Variants in SNX19 observed in about 807,000 individuals in gnomAD.
The protein encoded by SNX19 is sorting nexin 19, also known as sorting nexin-19.
Under a neutral mutation model 85.2 loss-of-function variants are expected in SNX19, and 60 were observed. The ratio of observed to expected loss-of-function variants is 0.70; its 90% CI spans 0.57 to 0.87. The LOEUF (loss-of-function observed/expected upper bound fraction) is 0.87, where lower values mean the gene tolerates loss of function less well. Ranked by LOEUF, SNX19 falls within the 40% of genes least tolerant of loss-of-function variation. The probability of loss-of-function intolerance (pLI) is 0.00; values close to 1 mark genes in which losing one functional copy is unlikely to be tolerated. For synonymous variants in SNX19, 520 were observed against 470.0 expected (o/e 1.11, Z -1.38); for missense variants, 1,201 against 1,217.8 (o/e 0.99, Z 0.21).
intron 8 of SNX19, among the ~76,000 whole-genome samples, chr11:130,889,293 T>C (rs1677787862): frequency 6.6e-6 from 1 of 152,096 alleles, no homozygotes; most frequent in Non-Finnish European, 1.5e-5. Flanking sequence ...CTGGTTTCAT[T>C]TGATGCTGAC....
chr11:130,902,972 T>G, intron 8 of SNX19: 1 of 293,018 alleles, frequency 3.4e-6, no homozygotes, highest in South Asian at 4.8e-5. Context: ...GGGTGGAAAA[T>G]TGAGAGGAGG....
rs1943097851 is a variant in SNX19, at chr11:130,873,314, A to G, written c.*5108T>C. Among the ~76,000 whole-genome samples the G allele has an allele frequency of 6.6e-6, 1 of 152,216 alleles. No homozygotes were observed. Among genetic ancestry groups the G allele is most frequent in the African/African-American group, 2.4e-5 (1 of 41,452 alleles). ...TACAGTGGAAAAGCTGAGTAGTTAC[A>G]ACAGAGACCATACTGCTGCAAAACC... On this transcript the variant is annotated 3_prime_UTR_variant, in exon 11 of 11. Coordinates refer to ENST00000265909, the MANE Select transcript of SNX19 (RefSeq NM_014758.3).
chr11:130,870,141 A>G lies in SNX19; in HGVS notation c.*8281T>C, dbSNP rs1181940164. 1.3e-5 allele frequency: 2 copies of G among 152,228 alleles called. No homozygotes were observed. The highest frequency in any genetic ancestry group is 4.8e-5 in the African/African-American group (2 of 41,456). The allele number at this position is 152,228 out of a possible 1,614,324, so 9.4% of individuals were successfully genotyped here. ...GAAATCCTAATCCTATTAAAAACTT[A>G]GGTCATTCCACCCCAACAGTACTCT... On this transcript the variant is annotated 3_prime_UTR_variant, in exon 11 of 11. Coordinates refer to ENST00000265909, the MANE Select transcript of SNX19 (RefSeq NM_014758.3).
rs1943401210 is a variant in SNX19 at position 130,878,462 on chromosome 11, T to A, written c.2939A>T (p.Asp980Val). 6.2e-7 allele frequency: 1 copy of A among 1,613,492 alleles called. No homozygotes were observed. Among genetic ancestry groups the A allele is most frequent in the Non-Finnish European group, 8.5e-7 (1 of 1,179,662 alleles). The change falls in exon 11 of 11, where the codon GAT (aspartate) becomes GTT (valine). Residue 980 changes from aspartate (D) to valine (V), a missense_variant. This residue lies in a region of SNX19 where 285 missense variants were observed against 295.3 expected (regional missense o/e 0.97). Transcript: ENST00000265909. ...CATCCTCTTAGAGTTGCCTGGGGTA[T>A]CTGAGGCAGAGGTGGTAGCAGCAGA... ...EESAATTSAS[D>V]TPGNSKRMGV...
Position 130,877,208 on chromosome 11 carries a change from G to A in SNX19, c.*1214C>T, listed in dbSNP as rs1047866421. The A allele has an allele frequency of 6.6e-6, 1 of 152,214 alleles. No individual in the cohort carries two copies. Among genetic ancestry groups the A allele is most frequent in the Non-Finnish European group, 1.5e-5 (1 of 68,030 alleles). 9.4% of individuals were successfully genotyped at this position (152,214 alleles called of 1,614,324 possible). A position where few individuals can be genotyped will look rare whatever the true frequency, so the allele number is the denominator to read the frequency against. ...ACATCTTTTTGCCAGCTATTCACAT[G>A]CATTTAATATACAGCACTTCCCTGT... On this transcript the variant is annotated 3_prime_UTR_variant, in exon 11 of 11. Transcript: ENST00000265909.
rs1385264116 is a variant in SNX19 at position 130,871,532 on chromosome 11, T to C, written c.*6890A>G. On this transcript the variant is annotated 3_prime_UTR_variant, in exon 11 of 11. Transcript: ENST00000265909. ...ATTTCATATCAACGTTCATGGTTAA[T>C]CTTTTTGATAGTTACAGGAGCAGGA... is the stretch of plus-strand genomic sequence containing the variant. Among the ~76,000 whole-genome samples, 1 of 152,194 alleles carries C rather than the reference T, an allele frequency of 6.6e-6. No homozygotes were observed. Among genetic ancestry groups the C allele is most frequent in the Admixed American group, 6.5e-5 (1 of 15,280 alleles).
At chr11:130,879,756 T>C in intron 9 of SNX19, 45 bp from the exon 10 acceptor site, 1 of 1,556,396 alleles carries the variant, frequency 6.4e-7, no homozygotes, top group Non-Finnish European at 8.9e-7. Flanking sequence ...ATCACTGAAG[T>C]TTTAGATTCT....
intron 8 of SNX19, among the ~76,000 whole-genome samples, chr11:130,881,980 T>C (rs1313319663): frequency 6.6e-6 from 1 of 152,240 alleles, no homozygotes; most frequent in African/African-American, 2.4e-5. Flanking sequence ...ACTGTTCTTA[T>C]TTCAATGAAA....
chr11:130,912,270 T>C (rs1289859044), intron 1 of SNX19, among the ~76,000 whole-genome samples: 2 of 152,254 alleles, frequency 1.3e-5, no homozygotes, highest in African/African-American at 2.4e-5. Flanking sequence ...TTCACGCAGA[T>C]TAATTTTCCT....
At position 130,880,697 on chromosome 11, in the gene SNX19, G is replaced by A. The variant is rs142783173; in HGVS notation, c.2683C>T (p.Arg895Trp). ...TTCTGCTCTTGGGTCCTTACGGGCCGTGGAAACTTAGGCAAAACTCCACCA... is the reference window on the plus strand; with the variant it reads ...TTCTGCTCTTGGGTCCTTACGGGCCATGGAAACTTAGGCAAAACTCCACCA... ...WPGGVLPKFP[R>W]PVRTQEQKLA... is the part of the protein sequence containing the mutation. Residue 895 changes from arginine (R) to tryptophan (W), a missense_variant, in exon 9 of 11, where the codon CGG becomes TGG. Arg to Trp is a moderately radical substitution (Grantham distance 101, BLOSUM62 -3). This residue lies in a region of SNX19 where 285 missense variants were observed against 295.3 expected (regional missense o/e 0.97). Transcript: ENST00000265909. The A allele has an allele frequency of 7.1e-3, 11,451 of 1,612,362 alleles. 101 individuals carry two copies. The highest frequency in any genetic ancestry group is 6.7e-3 in the Non-Finnish European group (7,860 of 1,178,670).
rs1447604632 is a variant in SNX19 at position 130,875,588 on chromosome 11, C to T, written c.*2834G>A. 4 of 151,102 alleles carry T rather than the reference C, an allele frequency of 2.6e-5. No individual in the cohort carries two copies. The highest frequency in any genetic ancestry group is 5.9e-5 in the Non-Finnish European group (4 of 67,944). The allele number at this position is 151,102 out of a possible 1,614,324, so 9.4% of individuals were successfully genotyped here. On this transcript the variant is annotated 3_prime_UTR_variant, in exon 11 of 11. Transcript: ENST00000265909. ...ATTTCCAAAATGGAAATTGGAGTAG[C>T]TTGTATTGATTTTAAAATTTATACA... is the stretch of plus-strand genomic sequence containing the variant.
chr11:130,901,617 T>C (rs1183715740), intron 8 of SNX19, among the ~76,000 whole-genome samples: 1 of 151,952 alleles, frequency 6.6e-6, no homozygotes, highest in Non-Finnish European at 1.5e-5. Context: ...AAATGAAAAA[T>C]AAGACTGAAA....
intron 8 of SNX19, among the ~76,000 whole-genome samples, chr11:130,902,392 G>A (rs764321273): frequency 8.5e-5 from 13 of 152,090 alleles, no homozygotes; most frequent in South Asian, 2.1e-4. Flanking sequence ...ATAACTTTTC[G>A]ACTTGGTAAA....
intron 4 of SNX19, 88 bp downstream of exon 4, chr11:130,909,930 C>A: frequency 6.4e-7 from 1 of 1,564,696 alleles, no homozygotes; most frequent in South Asian, 1.2e-5. Flanking sequence ...CCCTACTGCT[C>A]TTATTTTTCA....
chr11:130,903,165 G>C lies in SNX19; in HGVS notation c.2573+90C>G. The C allele has an allele frequency of 3.2e-6, 5 of 1,549,318 alleles. No homozygotes were observed. In the South Asian group the frequency reaches 6.1e-5, roughly 19 times the overall value. On this transcript the variant is annotated intron_variant, in intron 8 of 10. Transcript: ENST00000265909. ...TAACAGAGAATCTATCTTCTCTTAC[G>C]GCTGCAGATTCCCTGGACACTATTC...
chr11:130,881,432 A>C (rs1444198753), intron 8 of SNX19, among the ~76,000 whole-genome samples: 1 of 152,162 alleles, frequency 6.6e-6, no homozygotes. Flanking sequence ...GTGAGCCTGC[A>C]CCTATACCTT....
chr11:130,882,739 A>G (rs1431910761), intron 8 of SNX19, among the ~76,000 whole-genome samples: 1 of 152,270 alleles, frequency 6.6e-6, no homozygotes, highest in East Asian at 1.9e-4. Flanking sequence ...GGCTGCAATG[A>G]CCTGATCGGC....
chr11:130,905,855 G>A (rs1415253925), intron 7 of SNX19, 98 bp downstream of exon 7: 7 of 1,593,914 alleles, frequency 4.4e-6, no homozygotes, highest in Non-Finnish European at 5.1e-6. Flanking sequence ...TCAGCTGAAT[G>A]GAACAGAAAT....
At chr11:130,893,608 T>C (rs931931406) in intron 8 of SNX19, among the ~76,000 whole-genome samples, 5 of 152,154 alleles carry the variant, frequency 3.3e-5, no homozygotes, top group African/African-American at 1.2e-4. Context: ...ATGAAGGACG[T>C]AGGGACACCG....
Sources: allele counts gnomAD v4.1 joint callset (sites outside exome capture counted in the v4.1 genomes callset), GRCh38; gene constraint gnomAD v4.1.1; regional missense constraint gnomAD v4.1.1; transcripts MANE v1.5; gene names NCBI Gene and HGNC (gene_info 2026-07-23, HGNC 2026-07-21).